FBXO4: variants seen among roughly 807,000 people sequenced by gnomAD.
FBXO4 encodes the protein F-box protein 4, also known as F-box only protein 4.
FBXO4 carries 36 observed loss-of-function variants against 43.7 expected under a neutral mutation model. That is an observed-to-expected ratio of 0.82 (90% CI 0.63 to 1.09). FBXO4 has a LOEUF of 1.09. FBXO4 is among the 50% of genes least tolerant of loss of function. FBXO4 has a pLI of 0.00. For synonymous variants in FBXO4, 180 were observed against 165.6 expected (o/e 1.09, Z -0.67); for missense variants, 435 against 474.1 (o/e 0.92, Z 0.77).
chr5:41,999,804 A>G, the FBXO4 span, among the ~76,000 whole-genome samples: 2 of 151,756 alleles, frequency 1.3e-5, no homozygotes, highest in African/African-American at 4.8e-5. Flanking sequence ...AGCTGATTAG[A>G]TGCTGCCCAC....
chr5:41,974,129 T>C, the FBXO4 span, among the ~76,000 whole-genome samples: 33 of 152,176 alleles, frequency 2.2e-4, no homozygotes, highest in Non-Finnish European at 4.4e-5. Flanking sequence ...TCTTTTGTTG[T>C]CTCAACACTT....
At chr5:41,947,926 G>T in the FBXO4 span, among the ~76,000 whole-genome samples, 1 of 152,080 alleles carries the variant, frequency 6.6e-6, no homozygotes, top group Non-Finnish European at 1.5e-5. Flanking sequence ...CGGTGATGGG[G>T]CAGAGAGAGG....
intron 5 of FBXO4, among the ~76,000 whole-genome samples, chr5:41,936,089 A>C (rs1369580450): frequency 1.3e-5 from 2 of 152,246 alleles, no homozygotes; most frequent in Non-Finnish European, 2.9e-5. Flanking sequence ...TTTTTACCTC[A>C]GTCTTTATTG....
At chr5:41,976,485 G>C in the FBXO4 span, among the ~76,000 whole-genome samples, 1 of 152,180 alleles carries the variant, frequency 6.6e-6, no homozygotes, top group Non-Finnish European at 1.5e-5. Context: ...CCAAAAGGGA[G>C]AAATTGGCCA....
chr5:42,015,596 C>T, the FBXO4 span, among the ~76,000 whole-genome samples: 5 of 151,918 alleles, frequency 3.3e-5, no homozygotes, highest in African/African-American at 4.8e-5. Flanking sequence ...AATGTGACAC[C>T]CTCCAAATGT....
At chr5:41,959,195 G>A in the FBXO4 span, among the ~76,000 whole-genome samples, 1 of 152,076 alleles carries the variant, frequency 6.6e-6, no homozygotes, top group African/African-American at 2.4e-5. Flanking sequence ...ATCTTCTTTT[G>A]AGAAATGTCA....
intron 2 of FBXO4, among the ~76,000 whole-genome samples, chr5:41,927,482 A>G (rs2112567334): frequency 6.6e-6 from 1 of 152,342 alleles, no homozygotes; most frequent in Admixed American, 6.5e-5. Flanking sequence ...AGTAGTATAG[A>G]TGGCAAGAAG....
At chr5:41,967,779 C>T in the FBXO4 span, 1 of 614,244 alleles carries the variant, frequency 1.6e-6, no homozygotes, top group Non-Finnish European at 3.2e-6. Context: ...CATCAATGTG[C>T]TCTGGAAGAG....
chr5:41,925,591 C>G, intron 1 of FBXO4, 93 bp downstream of exon 1: 2 of 1,002,246 alleles, frequency 2.0e-6, no homozygotes, highest in Non-Finnish European at 2.6e-6. Context: ...GGAACTCTCG[C>G]GCCCCGGCCT....
chr5:41,968,901 T>C, the FBXO4 span, among the ~76,000 whole-genome samples: 1 of 152,244 alleles, frequency 6.6e-6, no homozygotes, highest in Non-Finnish European at 1.5e-5. Flanking sequence ...TTACATCTTA[T>C]GATTTTATGA....
downstream of FBXO4, among the ~76,000 whole-genome samples, chr5:41,943,311 T>C (rs1347998554): frequency 5.9e-5 from 9 of 152,220 alleles, no homozygotes; most frequent in Admixed American, 1.3e-4. Flanking sequence ...CAAACCAAAA[T>C]TGTTATGCAT....
At chr5:42,006,616 T>C in the FBXO4 span, among the ~76,000 whole-genome samples, 1 of 151,766 alleles carries the variant, frequency 6.6e-6, no homozygotes, top group Non-Finnish European at 1.5e-5. Flanking sequence ...TGTGTAAATA[T>C]GAAGTTTGAA....
chr5:41,999,543 ATGTATATATATATATATATG>A, the FBXO4 span, among the ~76,000 whole-genome samples: 3 of 107,576 alleles, frequency 2.8e-5, no homozygotes, highest in African/African-American at 1.4e-4. Context: ...ATACATATAT[ATGTATATATATATATATATG>A]TATATATATA....
At chr5:41,938,765 G>A (rs1053283150) in intron 5 of FBXO4, among the ~76,000 whole-genome samples, 1 of 152,118 alleles carries the variant, frequency 6.6e-6, no homozygotes, top group Non-Finnish European at 1.5e-5. Context: ...CCTTATTGTT[G>A]TAGGACTGAC....
At chr5:41,934,867 T>C (rs111973961) in intron 5 of FBXO4, 13,052 of 988,000 alleles carry the variant, frequency 0.013, 101 homozygotes, top group Non-Finnish European at 0.015. Flanking sequence ...CAAAATATCA[T>C]TGGGCCATGA....
the FBXO4 span, among the ~76,000 whole-genome samples, chr5:42,014,725 T>A: frequency 6.6e-6 from 1 of 152,178 alleles, no homozygotes; most frequent in Non-Finnish European, 1.5e-5. Context: ...CCTTTAGGTA[T>A]CAATTCACTC....
At chr5:41,933,249 T>A (rs1326479657) in intron 3 of FBXO4, among the ~76,000 whole-genome samples, 1 of 152,230 alleles carries the variant, frequency 6.6e-6, no homozygotes, top group African/African-American at 2.4e-5. Flanking sequence ...AGACAAGGTC[T>A]CTGTTACCCA....
At chr5:41,930,936 G>T (rs867279044) in intron 3 of FBXO4, among the ~76,000 whole-genome samples, 21 of 152,302 alleles carry the variant, frequency 1.4e-4, no homozygotes, top group African/African-American at 5.1e-4. Context: ...GATTACAGGC[G>T]TGAGCCACCG....
In FBXO4 at chr5:41,933,977, C is replaced by T. The variant is rs1253684559; in HGVS notation, c.678C>T (p.Asn226=). 6.2e-7 allele frequency: 1 copy of T among 1,613,534 alleles called. No homozygotes were observed. The change falls in exon 4 of 7, where the codon AAC becomes AAT. Residue 226 remains asparagine, a synonymous_variant. Transcript: ENST00000281623. ...GIGSGVNFQL[N]NQHKFNILIL... ...GATCAGGAGTCAATTTTCAGTTGAA[C>T]AACCAACATAAATTCAACATTCTAA...
Sources: allele counts gnomAD v4.1 joint callset (sites outside exome capture counted in the v4.1 genomes callset), GRCh38; gene constraint gnomAD v4.1.1; transcripts MANE v1.5; gene names NCBI Gene and HGNC (gene_info 2026-07-23, HGNC 2026-07-21).